The following NELL1 variants were observed in gnomAD, a reference collection of about 807,000 sequenced individuals.
NELL1 encodes the protein protein kinase C-binding protein NELL1.
In NELL1, 76 loss-of-function variants were observed where a neutral mutation model predicts 107.4. The ratio of observed to expected loss-of-function variants is 0.71; its 90% CI spans 0.59 to 0.86. The LOEUF (loss-of-function observed/expected upper bound fraction) is 0.86. Among genes scored for constraint, NELL1 ranks in the 40% least tolerant of loss-of-function variants. NELL1 has a pLI of 0.00. For synonymous variants in NELL1, 353 were observed against 341.2 expected (o/e 1.03, Z -0.38); for missense variants, 1,024 against 1,005.5 (o/e 1.02, Z -0.25).
intron 14 of NELL1, among the ~76,000 whole-genome samples, chr11:21,254,566 C>G (rs1183520135): frequency 6.6e-6 from 1 of 152,002 alleles, no homozygotes; most frequent in Non-Finnish European, 1.5e-5. Flanking sequence ...CATACACATG[C>G]CCGAGGGAGC....
At chr11:20,961,388 A>G (rs1851287704) in intron 12 of NELL1, among the ~76,000 whole-genome samples, 1 of 152,182 alleles carries the variant, frequency 6.6e-6, no homozygotes, top group Non-Finnish European at 1.5e-5. Flanking sequence ...TAATAAGCAA[A>G]GTGATGGCTG....
At chr11:21,025,267 G>T (rs1852789507) in intron 12 of NELL1, among the ~76,000 whole-genome samples, 1 of 151,920 alleles carries the variant, frequency 6.6e-6, no homozygotes, top group Non-Finnish European at 1.5e-5. Flanking sequence ...CAAGCCTTAT[G>T]CTTTAGATAC....
Position 21,027,190 on chromosome 11 carries a change from C to T in NELL1, c.1300+66630C>T, listed in dbSNP as rs555035340. Among the ~76,000 whole-genome samples, 8 of 152,286 alleles carry T rather than the reference C, an allele frequency of 5.3e-5. No homozygotes were observed. The South Asian group carries it at 1.7e-3, about 32-fold the overall frequency. ...TGTTCTAGTTCTGGCAAGGCAATAA[C>T]TCTGCCATGAGACAGAATGCCAGTC... On this transcript the variant is annotated intron_variant, in intron 12 of 19. Coordinates refer to ENST00000357134, the MANE Select transcript of NELL1 (RefSeq NM_006157.5).
intron 15 of NELL1, among the ~76,000 whole-genome samples, chr11:21,480,700 GA>G (rs1262546655): frequency 1.3e-5 from 2 of 152,208 alleles, no homozygotes; most frequent in African/African-American, 4.8e-5. Flanking sequence ...CCCACCACCA[GA>G]AACTGCTCAT....
chr11:21,542,448 T>C (rs1856314056), intron 16 of NELL1, among the ~76,000 whole-genome samples: 1 of 152,042 alleles, frequency 6.6e-6, no homozygotes, highest in Non-Finnish European at 1.5e-5. Context: ...GAGACCCAGA[T>C]GGACAGTTAC....
At chr11:20,907,177 G>A (rs1004845414) in intron 5 of NELL1, among the ~76,000 whole-genome samples, 3 of 138,892 alleles carry the variant, frequency 2.2e-5, no homozygotes, top group Admixed American at 7.7e-5. Context: ...AGAATAAAAA[G>A]TAGAGGTAAA....
chr11:21,301,955 G>A (rs982685675), intron 14 of NELL1, among the ~76,000 whole-genome samples: 3 of 152,034 alleles, frequency 2.0e-5, no homozygotes, highest in Non-Finnish European at 2.9e-5. Flanking sequence ...GTACTAATAT[G>A]TTCTGCAATA....
chr11:20,687,934 AGACT>A (rs1370902781), intron 2 of NELL1, among the ~76,000 whole-genome samples: 7 of 152,162 alleles, frequency 4.6e-5, no homozygotes, highest in Non-Finnish European at 1.0e-4. Context: ...TAAGTTAGAC[AGACT>A]ATTTGTTTTA....
At chr11:20,871,630 TC>T (rs1189576007) in intron 4 of NELL1, among the ~76,000 whole-genome samples, 23 of 92,262 alleles carry the variant, frequency 2.5e-4, no homozygotes, top group African/African-American at 5.8e-4. Flanking sequence ...TACTACTTTC[TC>T]ATTTTTTTTT....
Position 21,296,426 on chromosome 11 carries a change from GTA to G in NELL1, c.1549+66984_1549+66985del, listed in dbSNP as rs112258805. Among the ~76,000 whole-genome samples the G allele has an allele frequency of 1.4e-3, 218 of 151,006 alleles. 3 individuals are homozygous for G. In the South Asian group the frequency reaches 0.026, roughly 18 times the overall value. The stretch of plus-strand genomic sequence containing the variant: ...TTGTGATGACAATTCTGCATTATAT[GTA>G]TATATATATATCTCTAATCATCAAG... On this transcript the variant is annotated intron_variant, in intron 14 of 19. Transcript: ENST00000357134.
At chr11:21,470,945 G>T (rs1386187786) in intron 15 of NELL1, among the ~76,000 whole-genome samples, 2 of 152,038 alleles carry the variant, frequency 1.3e-5, no homozygotes, top group Non-Finnish European at 2.9e-5. Context: ...ACACAACAAT[G>T]GATATAAAAT....
At chr11:20,863,757 G>T (rs1167895687) in intron 4 of NELL1, among the ~76,000 whole-genome samples, 1 of 152,172 alleles carries the variant, frequency 6.6e-6, no homozygotes, top group Non-Finnish European at 1.5e-5. Flanking sequence ...CAAGGCAGGC[G>T]GCTGGGAGGT....
Position 21,274,074 on chromosome 11 carries a change from G to A in NELL1, c.1549+44620G>A, listed in dbSNP as rs182342913. ...ACGATATTAACCTTAAATGTAAATG[G>A]ACTAAATGCTCCAATTAAAAGACTC... On this transcript the variant is annotated intron_variant, in intron 14 of 19. Transcript: ENST00000357134. Among the ~76,000 whole-genome samples, 837 of 152,280 alleles carry A rather than the reference G, an allele frequency of 5.5e-3. 12 individuals carry two copies. Among genetic ancestry groups the A allele is most frequent in the African/African-American group, 0.019 (771 of 41,546 alleles).
chr11:20,737,005 G>A (rs111858820), intron 2 of NELL1, among the ~76,000 whole-genome samples: 23,527 of 151,782 alleles, frequency 0.16, 2,010 homozygotes, highest in South Asian at 0.27. Context: ...TGCCTGCCTC[G>A]GCCTCCCAAA....
At chr11:21,347,535 G>C (rs577787245) in intron 14 of NELL1, among the ~76,000 whole-genome samples, 126 of 152,304 alleles carry the variant, frequency 8.3e-4, no homozygotes, top group African/African-American at 3.0e-3. Flanking sequence ...CTGGGAGGCA[G>C]AGGTTGCAGT....
At chr11:21,528,511 ACC>A (rs1554929481) in intron 15 of NELL1, among the ~76,000 whole-genome samples, 4 of 46,314 alleles carry the variant, frequency 8.6e-5, no homozygotes, top group African/African-American at 3.0e-4. Context: ...GCACATACCC[ACC>A]CCCCCCCCCT....
Position 20,752,621 on chromosome 11 carries a change from G to A in NELL1, c.185-31059G>A, listed in dbSNP as rs148287427. 1.8e-3 allele frequency among the ~76,000 whole-genome samples: 270 copies of A among 152,218 alleles called. 3 individuals carry two copies. The highest frequency in any genetic ancestry group is 6.3e-3 in the African/African-American group (260 of 41,540). On this transcript the variant is annotated intron_variant, in intron 2 of 19. Transcript: ENST00000357134. Reference sequence around the variant, plus strand: ...GTCAAGTGTCTTTTTTGCATCTGTTGAGAAAACCTGGCACCAACTCTAGTT... The same window carrying A: ...GTCAAGTGTCTTTTTTGCATCTGTTAAGAAAACCTGGCACCAACTCTAGTT...
chr11:21,570,734 T>C (rs1249656123), intron 17 of NELL1, 30 bp from the exon 18 acceptor site: 12 of 1,602,244 alleles, frequency 7.5e-6, no homozygotes. Context: ...TCCTAAATGA[T>C]GAAACCTCCT....
intron 15 of NELL1, among the ~76,000 whole-genome samples, chr11:21,438,328 CT>C (rs890224045): frequency 1.3e-5 from 2 of 151,850 alleles, no homozygotes; most frequent in African/African-American, 4.8e-5. Context: ...CTGGTTTCTG[CT>C]GAAAAATACA....
Sources: gnomAD v4.1 joint callset for allele counts (sites outside exome capture counted in the v4.1 genomes callset) on GRCh38, gnomAD v4.1.1 for gene constraint, MANE v1.5 for transcripts, NCBI Gene and HGNC (gene_info 2026-07-23, HGNC 2026-07-21) for gene names.